The following DCC variants were observed in gnomAD, a reference collection of about 807,000 sequenced individuals.
DCC encodes the protein netrin receptor DCC.
A neutral mutation model predicts 172.5 loss-of-function variants in DCC; 58 were observed. The observed-to-expected ratio is 0.34, with a 90% confidence interval of 0.27 to 0.42. The LOEUF (loss-of-function observed/expected upper bound fraction) is 0.42. Ranked by LOEUF, DCC falls within the 10% of genes least tolerant of loss-of-function variation. The pLI, the probability that DCC is intolerant of heterozygous loss-of-function variation, is 1.00. For missense variants in DCC, 1,740 were observed against 1,791.0 expected (o/e 0.97, Z 0.51); for synonymous variants, 709 against 644.5 (o/e 1.10, Z -1.52).
At chr18:53,495,505 T>C (rs187702909) in intron 26 of DCC, among the ~76,000 whole-genome samples, 5 of 152,296 alleles carry the variant, frequency 3.3e-5, no homozygotes, top group Admixed American at 2.6e-4. Context: ...CTGATGGGCT[T>C]CCCTTTGTGG....
At chr18:53,205,694 T>C (rs2055614236) in intron 10 of DCC, among the ~76,000 whole-genome samples, 1 of 152,192 alleles carries the variant, frequency 6.6e-6, no homozygotes, top group South Asian at 2.1e-4. Context: ...TTTGCAGTTT[T>C]ATTCCTTAGA....
At chr18:53,516,714 C>T (rs1212335577) in intron 27 of DCC, among the ~76,000 whole-genome samples, 2 of 149,510 alleles carry the variant, frequency 1.3e-5, no homozygotes, top group East Asian at 3.9e-4. Flanking sequence ...TCATCACTGG[C>T]CATCAGAGAA....
intron 7 of DCC, among the ~76,000 whole-genome samples, chr18:53,155,327 C>T (rs1451246913): frequency 6.6e-6 from 1 of 152,096 alleles, no homozygotes; most frequent in Non-Finnish European, 1.5e-5. Flanking sequence ...GGAAAATGGA[C>T]CACAAAAGCC....
chr18:53,391,937 T>G, intron 17 of DCC, 50 bp downstream of exon 17: 1 of 1,126,972 alleles, frequency 8.9e-7, no homozygotes, highest in Non-Finnish European at 1.3e-6. Context: ...GACATTTGTT[T>G]AACACATTGT....
At chr18:52,607,958 G>A (rs1240940782) in intron 1 of DCC, among the ~76,000 whole-genome samples, 1 of 152,152 alleles carries the variant, frequency 6.6e-6, no homozygotes, top group Non-Finnish European at 1.5e-5. Context: ...AGCAATGTGT[G>A]TTGGGCATAA....
intron 21 of DCC, among the ~76,000 whole-genome samples, chr18:53,428,637 T>A (rs1270410301): frequency 1.1e-4 from 7 of 62,858 alleles, no homozygotes; most frequent in African/African-American, 3.6e-4. Flanking sequence ...ATATTTTATA[T>A]AATATATATT....
intron 9 of DCC, among the ~76,000 whole-genome samples, chr18:53,181,716 A>G (rs1040854425): frequency 1.3e-5 from 2 of 152,198 alleles, no homozygotes; most frequent in Non-Finnish European, 2.9e-5. Context: ...TTAGAAAAGC[A>G]TATGTGAGTA....
chr18:53,020,520 G>A (rs994378854), intron 5 of DCC, among the ~76,000 whole-genome samples: 2 of 152,120 alleles, frequency 1.3e-5, no homozygotes, highest in Admixed American at 6.5e-5. Flanking sequence ...TAATCCAAAC[G>A]AAAAAGGTCT....
intron 9 of DCC, among the ~76,000 whole-genome samples, chr18:53,189,516 A>C (rs1159724866): frequency 6.6e-6 from 1 of 152,114 alleles, no homozygotes; most frequent in Non-Finnish European, 1.5e-5. Flanking sequence ...GTGTATGTCT[A>C]TACAGGTATA....
At chr18:53,432,861 C>T (rs1911711876) in intron 21 of DCC, among the ~76,000 whole-genome samples, 1 of 151,902 alleles carries the variant, frequency 6.6e-6, no homozygotes, top group South Asian at 2.1e-4. Flanking sequence ...AAATTAAAAT[C>T]TGATGCCTCT....
chr18:52,936,145 C>T (rs188364279), intron 5 of DCC, among the ~76,000 whole-genome samples: 1 of 152,230 alleles, frequency 6.6e-6, no homozygotes, highest in Admixed American at 6.5e-5. Context: ...TTAAATCCCA[C>T]CTATTAGGTG....
chr18:52,578,644 C>T lies in DCC; in HGVS notation c.92-173410C>T, dbSNP rs986906939. 2.6e-5 allele frequency among the ~76,000 whole-genome samples: 4 copies of T among 152,150 alleles called. No homozygotes were observed. In the South Asian group the frequency reaches 8.3e-4, roughly 32 times the overall value. ...TTTTATTTTTGAGAGGTCTAAGGCA[C>T]TTGCCTTATGAAACTATCTTCTGAA... is the stretch of plus-strand genomic sequence containing the variant. On this transcript the variant is annotated intron_variant, in intron 1 of 28. Coordinates refer to ENST00000442544, the MANE Select transcript of DCC (RefSeq NM_005215.4).
chr18:52,476,656 C>G (rs186522225), intron 1 of DCC, among the ~76,000 whole-genome samples: 1 of 151,976 alleles, frequency 6.6e-6, no homozygotes, highest in Admixed American at 6.6e-5. Flanking sequence ...CATTTTAGTC[C>G]GGGGTCTGGT....
chr18:53,242,871 GGTGTGTGTGTGTGT>G (rs3059140), intron 12 of DCC, among the ~76,000 whole-genome samples: 11 of 148,526 alleles, frequency 7.4e-5, no homozygotes, highest in Non-Finnish European at 1.0e-4. Flanking sequence ...ATGACAAGTA[GGTGTGTGTGTGTGT>G]GTGTGTGTGT....
rs74178668 is a variant in DCC, at chr18:52,439,174, T to TTTTTTG, written c.91+98297_91+98298insTTTTGT. ...CTGTTAATATTTTGGAAGATATGTTTTGTGTGTGTGTGTGTGTGTGTGTGT... is the reference window on the plus strand; with the variant it reads ...CTGTTAATATTTTGGAAGATATGTTTTTTTTGTGTGTGTGTGTGTGTGTGTGTGTGT... On this transcript the variant is annotated intron_variant, in intron 1 of 28. Coordinates refer to ENST00000442544, the MANE Select transcript of DCC (RefSeq NM_005215.4). Among the ~76,000 whole-genome samples, 3 of 144,750 alleles carry TTTTTTG rather than the reference T, an allele frequency of 2.1e-5. No homozygotes were observed. The Admixed American group carries it at 2.1e-4, about 10-fold the overall frequency. The allele number at this position is 144,750 out of a possible 152,430, so 95.0% of individuals were successfully genotyped here.
intron 1 of DCC, among the ~76,000 whole-genome samples, chr18:52,453,037 A>C (rs1339176213): frequency 1.3e-5 from 2 of 152,238 alleles, no homozygotes; most frequent in Admixed American, 1.3e-4. Context: ...GCGAATGTGC[A>C]TGCATTGGTG....
chr18:53,307,754 C>A (rs1339201685), intron 13 of DCC, among the ~76,000 whole-genome samples: 1 of 150,700 alleles, frequency 6.6e-6, no homozygotes, highest in Non-Finnish European at 1.5e-5. Context: ...AATGAGTTAG[C>A]ATTTTCCTTT....
intron 1 of DCC, among the ~76,000 whole-genome samples, chr18:52,610,346 C>T (rs1389497579): frequency 8.6e-6 from 1 of 116,724 alleles, no homozygotes; most frequent in African/African-American, 3.4e-5. Flanking sequence ...CACCATTGCA[C>T]TCCAGAATGG....
At chr18:53,525,537 C>CT (rs2046445220) in intron 27 of DCC, among the ~76,000 whole-genome samples, 1 of 152,088 alleles carries the variant, frequency 6.6e-6, no homozygotes, top group Non-Finnish European at 1.5e-5. Context: ...TGACCAGCAC[C>CT]TAGCAGATTG....
Sources: gnomAD v4.1 joint callset for allele counts (sites outside exome capture counted in the v4.1 genomes callset) on GRCh38, gnomAD v4.1.1 for gene constraint, MANE v1.5 for transcripts, NCBI Gene and HGNC (gene_info 2026-07-23, HGNC 2026-07-21) for gene names.